The following FARSB variants were observed in gnomAD, a reference collection of about 807,000 sequenced individuals.
FARSB encodes phenylalanine--tRNA ligase beta subunit.
FARSB carries 40 observed loss-of-function variants against 69.6 expected under a neutral mutation model. That is an observed-to-expected ratio of 0.57 (90% CI 0.45 to 0.75). FARSB has a LOEUF of 0.75. Ranked by LOEUF, FARSB falls within the 30% of genes least tolerant of loss-of-function variation. The probability of loss-of-function intolerance (pLI) is 0.00; values close to 1 mark genes in which losing one functional copy is unlikely to be tolerated. For synonymous variants in FARSB, 235 were observed against 247.2 expected, an observed-to-expected ratio of 0.95 and a Z score of 0.46; for missense variants, 632 against 722.9, an observed-to-expected ratio of 0.87 and a Z score of 1.44.
chr2:222,572,365 C>T (rs1390809123), intron 16 of FARSB, among the ~76,000 whole-genome samples: 2 of 151,920 alleles, frequency 1.3e-5, no homozygotes, highest in Non-Finnish European at 2.9e-5. Context: ...CCTAAAAAGG[C>T]CAAAAGGAAA....
intron 2 of FARSB, among the ~76,000 whole-genome samples, chr2:222,647,859 A>C (rs1691910741): frequency 6.6e-6 from 1 of 152,256 alleles, no homozygotes; most frequent in African/African-American, 2.4e-5. Flanking sequence ...TTCGAGAACC[A>C]GCCTGGCCAA....
intron 8 of FARSB, among the ~76,000 whole-genome samples, chr2:222,630,558 C>A (rs1691392892): frequency 6.6e-6 from 1 of 152,146 alleles, no homozygotes; most frequent in South Asian, 2.1e-4. Flanking sequence ...CTAGGCAAAC[C>A]ACTTTTCTTA....
chr2:222,621,015 G>A (rs1691121925), intron 13 of FARSB, among the ~76,000 whole-genome samples: 1 of 152,190 alleles, frequency 6.6e-6, no homozygotes, highest in Non-Finnish European at 1.5e-5. Flanking sequence ...GCACACTGGG[G>A]ATAAGCGTTT....
intron 14 of FARSB, among the ~76,000 whole-genome samples, chr2:222,618,342 TGTA>T (rs766260825): frequency 1.3e-5 from 2 of 152,190 alleles, no homozygotes; most frequent in East Asian, 3.8e-4. Flanking sequence ...CCCTTATTTT[TGTA>T]GAAGTAAAAA....
chr2:222,593,712 A>G (rs1386606827), intron 16 of FARSB, among the ~76,000 whole-genome samples: 2 of 151,794 alleles, frequency 1.3e-5, no homozygotes, highest in African/African-American at 4.8e-5. Context: ...AAAACAAAAC[A>G]AAACAAAAAT....
chr2:222,610,112 G>A (rs1690807564), intron 15 of FARSB, among the ~76,000 whole-genome samples: 1 of 152,154 alleles, frequency 6.6e-6, no homozygotes. Flanking sequence ...TTCTAAAGCA[G>A]TCTCTAGCAA....
chr2:222,620,657 G>T (rs1397918544), intron 13 of FARSB, among the ~76,000 whole-genome samples: 2 of 152,140 alleles, frequency 1.3e-5, no homozygotes, highest in Non-Finnish European at 1.5e-5. Flanking sequence ...CATTACTAAG[G>T]ATAAATTATT....
At chr2:222,631,459 C>G (rs1691422178) in intron 8 of FARSB, 145 bp downstream of exon 8, 1 of 643,706 alleles carries the variant, frequency 1.6e-6, no homozygotes, top group Non-Finnish European at 2.8e-6. Context: ...TGTAGAATAT[C>G]TCTATCTTTT....
intron 10 of FARSB, among the ~76,000 whole-genome samples, chr2:222,625,759 T>C (rs1002075586): frequency 1.3e-5 from 2 of 152,252 alleles, no homozygotes; most frequent in South Asian, 2.1e-4. Flanking sequence ...TAATCTTACT[T>C]AATCCTCACA....
chr2:222,649,234 TAAAAAAAAAAAAAAA>T (rs71961708), intron 1 of FARSB, among the ~76,000 whole-genome samples: 1 of 88,296 alleles, frequency 1.1e-5, no homozygotes, highest in Non-Finnish European at 2.1e-5. Flanking sequence ...CTCAAAAAAT[TAAAAAAAAAAAAAAA>T]AAAAAAAAAA....
At chr2:222,581,193 G>A (rs1428410462) in intron 16 of FARSB, among the ~76,000 whole-genome samples, 1 of 152,172 alleles carries the variant, frequency 6.6e-6, no homozygotes, top group African/African-American at 2.4e-5. Flanking sequence ...CTTCAGTAAA[G>A]TTAACGGGCC....
chr2:222,587,412 T>G (rs1690144372), intron 16 of FARSB, among the ~76,000 whole-genome samples: 1 of 152,048 alleles, frequency 6.6e-6, no homozygotes, highest in Non-Finnish European at 1.5e-5. Context: ...GCAGGAAAGA[T>G]CTAAAATCAA....
chr2:222,629,198 C>T (rs1031679613), intron 9 of FARSB, among the ~76,000 whole-genome samples: 1 of 151,866 alleles, frequency 6.6e-6, no homozygotes, highest in Admixed American at 6.6e-5. Flanking sequence ...TTTACCAGGG[C>T]AGTGTGTTAC....
intron 16 of FARSB, among the ~76,000 whole-genome samples, chr2:222,586,958 A>T (rs1690131066): frequency 6.6e-6 from 1 of 152,226 alleles, no homozygotes; most frequent in African/African-American, 2.4e-5. Flanking sequence ...TGAGACAGAA[A>T]GTTAACAAGG....
intron 14 of FARSB, among the ~76,000 whole-genome samples, chr2:222,617,567 T>C (rs1009584844): frequency 2.0e-5 from 3 of 152,204 alleles, no homozygotes; most frequent in African/African-American, 7.2e-5. Flanking sequence ...GACCCACGCA[T>C]GTACTAACTG....
intron 1 of FARSB, among the ~76,000 whole-genome samples, chr2:222,649,941 A>G (rs1691987248): frequency 6.6e-6 from 1 of 152,130 alleles, no homozygotes; most frequent in Non-Finnish European, 1.5e-5. Flanking sequence ...CCCACCTTAT[A>G]CCAGGCACTG....
intron 16 of FARSB, among the ~76,000 whole-genome samples, chr2:222,590,078 C>T (rs959669984): frequency 7.2e-5 from 11 of 152,024 alleles, no homozygotes; most frequent in South Asian, 2.1e-4. Flanking sequence ...ATGTTTATTG[C>T]GGCACTATTC....
chr2:222,652,019 T>C (rs1321129869), intron 1 of FARSB, among the ~76,000 whole-genome samples: 1 of 152,234 alleles, frequency 6.6e-6, no homozygotes, highest in African/African-American at 2.4e-5. Context: ...GACTCCTTTG[T>C]GTCTCCCATT....
chr2:222,630,056 C>G, intron 9 of FARSB, 57 bp downstream of exon 9: 1 of 1,073,484 alleles, frequency 9.3e-7, no homozygotes, highest in Admixed American at 2.2e-5. Context: ...TTACATTTAG[C>G]ACAAAGCCTC....
Sources: gnomAD v4.1 joint callset for allele counts (sites outside exome capture counted in the v4.1 genomes callset) on GRCh38, gnomAD v4.1.1 for gene constraint, MANE v1.5 for transcripts, NCBI Gene and HGNC (gene_info 2026-07-23, HGNC 2026-07-21) for gene names.